SIRPA: variants seen among roughly 807,000 people sequenced by gnomAD.
SIRPA encodes the protein tyrosine-protein phosphatase non-receptor type substrate 1.
Under a neutral mutation model 50.3 loss-of-function variants are expected in SIRPA, and 9 were observed. The ratio of observed to expected loss-of-function variants is 0.18; its 90% CI spans 0.11 to 0.31. The LOEUF (loss-of-function observed/expected upper bound fraction) is 0.31, where lower values mean the gene tolerates loss of function less well. SIRPA is among the 10% of genes least tolerant of loss of function. The pLI, the probability that SIRPA is intolerant of heterozygous loss-of-function variation, is 1.00. For missense variants in SIRPA, 474 were observed against 661.6 expected (o/e 0.72, Z 3.11); for synonymous variants, 265 against 284.1 (o/e 0.93, Z 0.68).
intron 7 of SIRPA, among the ~76,000 whole-genome samples, chr20:1,935,272 C>G (rs569522412): frequency 6.6e-6 from 1 of 152,342 alleles, no homozygotes; most frequent in South Asian, 2.1e-4. Flanking sequence ...TTCTGGTCAG[C>G]ATTGCTGAGA....
intron 1 of SIRPA, among the ~76,000 whole-genome samples, chr20:1,909,733 G>A (rs1231348720): frequency 6.6e-6 from 1 of 152,214 alleles, no homozygotes; most frequent in Non-Finnish European, 1.5e-5. Context: ...AGTGAGCCGA[G>A]ATTGTGCCAT....
chr20:1,922,537 G>A lies in SIRPA; in HGVS notation c.979G>A (p.Val327Met). 2 of 1,614,228 alleles carry A rather than the reference G, an allele frequency of 1.2e-6. No individual in the cohort carries two copies. The highest frequency in any genetic ancestry group is 1.3e-5 in the African/African-American group (1 of 75,064). The change falls in exon 4 of 8, where the codon GTG becomes ATG. Residue 327 changes from valine to methionine, a missense_variant. By Grantham distance (21) the Val-to-Met change is conservative. Transcript: ENST00000358771. ...GAATGTATCTGCCCACAGGGATGAT[G>A]TGAAGCTCACCTGCCAGGTGGAGCA... ...LVNVSAHRDD[V>M]KLTCQVEHDG...
Position 1,924,911 on chromosome 20 carries a change from T to G in SIRPA, c.1201+34T>G, listed in dbSNP as rs1158239761. On this transcript the variant is annotated intron_variant, in intron 5 of 7. Coordinates refer to ENST00000358771, the MANE Select transcript of SIRPA (RefSeq NM_001040023.2). This position sits in a 1 kb window ranked among gnomAD's most constrained non-coding sequence, Gnocchi z 4.5. The stretch of plus-strand genomic sequence containing the variant: ...ATTCCCCTCTTCCTCCCTAAGGGTT[T>G]GTCCCTGGACTGTCCTCGGAGGGAG... 1 of 1,560,262 alleles carries G rather than the reference T, an allele frequency of 6.4e-7. No individual in the cohort carries two copies. Among genetic ancestry groups the G allele is most frequent in the Admixed American group, 1.7e-5 (1 of 59,844 alleles).
At chr20:1,907,668 G>C (rs1248105939) in intron 1 of SIRPA, among the ~76,000 whole-genome samples, 1 of 152,208 alleles carries the variant, frequency 6.6e-6, no homozygotes, top group Admixed American at 6.5e-5. Flanking sequence ...CCATGTGCGT[G>C]GTCATTGCTC....
chr20:1,926,827 C>T (rs1161067412), intron 5 of SIRPA, among the ~76,000 whole-genome samples: 3 of 152,196 alleles, frequency 2.0e-5, no homozygotes, highest in African/African-American at 2.4e-5. Context: ...CATAACTAGA[C>T]CCCCCTTCTC....
chr20:1,935,099 C>G (rs1037209754), intron 7 of SIRPA, among the ~76,000 whole-genome samples: 3 of 152,170 alleles, frequency 2.0e-5, no homozygotes, highest in Non-Finnish European at 2.9e-5. Context: ...CATCCCTCTA[C>G]CAGGAGCGCC....
At position 1,937,145 on chromosome 20, in the gene SIRPA, C is replaced by T. The variant is rs138062904; in HGVS notation, c.1267-175C>T. Among the ~76,000 whole-genome samples, 2 of 152,076 alleles carry T rather than the reference C, an allele frequency of 1.3e-5. No individual in the cohort carries two copies. Among genetic ancestry groups the T allele is most frequent in the African/African-American group, 2.4e-5 (1 of 41,476 alleles). ...GAGGAGGAGGGCAGATGGGAAGGGG[C>T]AAGGCTGGAGGCAAGTAACGTTGGC... On this transcript the variant is annotated intron_variant, in intron 7 of 7. Transcript: ENST00000358771. This position sits in a 1 kb window ranked among gnomAD's most constrained non-coding sequence, Gnocchi z 8.3.
chr20:1,897,670 T>C (rs1368032467), intron 1 of SIRPA, among the ~76,000 whole-genome samples: 1 of 151,822 alleles, frequency 6.6e-6, no homozygotes, highest in African/African-American at 2.4e-5. Flanking sequence ...TGACTACTAG[T>C]GTCTCAGGCA....
At chr20:1,926,297 G>A (rs1196289468) in intron 5 of SIRPA, among the ~76,000 whole-genome samples, 1 of 152,234 alleles carries the variant, frequency 6.6e-6, no homozygotes, top group African/African-American at 2.4e-5. Context: ...ACTCCTCCTT[G>A]GATGGGGAAG....
Position 1,934,780 on chromosome 20 carries a change from C to G in SIRPA, c.1266+26C>G. The G allele has an allele frequency of 6.2e-7, 1 of 1,613,308 alleles. No homozygotes were observed. The highest frequency in any genetic ancestry group is 8.5e-7 in the Non-Finnish European group (1 of 1,179,464). ...GTACAGTCCTTGGTGAGATGCCCTTCCTGGGAAACTCCGTGGCGTGGTTGC... is the reference window on the plus strand; with the variant it reads ...GTACAGTCCTTGGTGAGATGCCCTTGCTGGGAAACTCCGTGGCGTGGTTGC... On this transcript the variant is annotated intron_variant, in intron 7 of 7. Coordinates refer to ENST00000358771, the MANE Select transcript of SIRPA (RefSeq NM_001040023.2). The surrounding 1 kb of genome is among the most constrained non-coding windows in gnomAD (Gnocchi z 4.6).
chr20:1,908,744 T>C (rs540250275), intron 1 of SIRPA, among the ~76,000 whole-genome samples: 1 of 152,356 alleles, frequency 6.6e-6, no homozygotes, highest in African/African-American at 2.4e-5. Context: ...CTACATCCTG[T>C]GTGCATCCGC....
intron 1 of SIRPA, among the ~76,000 whole-genome samples, chr20:1,913,399 C>T (rs1479182058): frequency 1.3e-5 from 2 of 152,322 alleles, no homozygotes; most frequent in East Asian, 3.9e-4. Context: ...CTGCCCCTGC[C>T]AGTGGGGTGG....
At chr20:1,919,748 T>C (rs1381889574) in intron 2 of SIRPA, among the ~76,000 whole-genome samples, 3 of 152,110 alleles carry the variant, frequency 2.0e-5, no homozygotes, top group African/African-American at 7.2e-5. Context: ...GGGAGGCGCC[T>C]GTGATCTTGT....
chr20:1,918,624 A>G lies in SIRPA; in HGVS notation c.437-2771A>G, dbSNP rs140483357. Among the ~76,000 whole-genome samples the G allele has an allele frequency of 1.9e-4, 29 of 152,096 alleles. No homozygotes were observed. In the East Asian group the frequency reaches 5.2e-3, roughly 27 times the overall value. On this transcript the variant is annotated intron_variant, in intron 2 of 7. Transcript: ENST00000358771. Reference sequence around the variant, plus strand: ...ATTGTACCAACCTTTCCAGGATGTTATGAGGATGCAATGAGCCTGGGGCGA... The same window carrying G: ...ATTGTACCAACCTTTCCAGGATGTTGTGAGGATGCAATGAGCCTGGGGCGA...
chr20:1,937,603 C>G lies in SIRPA; in HGVS notation c.*35C>G. 1 of 1,603,532 alleles carries G rather than the reference C, an allele frequency of 6.2e-7. No homozygotes were observed. Among genetic ancestry groups the G allele is most frequent in the Non-Finnish European group, 8.5e-7 (1 of 1,172,708 alleles). Reference sequence around the variant, plus strand: ...TGGTTTGCTCTAGCACCCATCTCTACGCGCTTTCTTGTCCCACAGGGAGCC... The same window carrying G: ...TGGTTTGCTCTAGCACCCATCTCTAGGCGCTTTCTTGTCCCACAGGGAGCC... On this transcript the variant is annotated 3_prime_UTR_variant, in exon 8 of 8. Transcript: ENST00000358771. The surrounding 1 kb of genome is among the most constrained non-coding windows in gnomAD (Gnocchi z 8.3).
chr20:1,928,933 AC>A lies in SIRPA; in HGVS notation c.1226+1036del, dbSNP rs1431881311. The stretch of plus-strand genomic sequence containing the variant: ...ATCCCCAGCAGAGCAGAGGCAGCAC[AC>A]CATCATCTGCCATGTGAACCCATCT... On this transcript the variant is annotated intron_variant, in intron 6 of 7. Coordinates refer to ENST00000358771, the MANE Select transcript of SIRPA (RefSeq NM_001040023.2). This position sits in a 1 kb window ranked among gnomAD's most constrained non-coding sequence, Gnocchi z 4.9. 2.6e-5 allele frequency among the ~76,000 whole-genome samples: 4 copies of A among 152,310 alleles called. No individual in the cohort carries two copies. Among genetic ancestry groups the A allele is most frequent in the Non-Finnish European group, 5.9e-5 (4 of 68,012 alleles).
At chr20:1,904,303 A>G (rs1984417112) in intron 1 of SIRPA, among the ~76,000 whole-genome samples, 1 of 152,210 alleles carries the variant, frequency 6.6e-6, no homozygotes, top group Non-Finnish European at 1.5e-5. Context: ...AACTTTAGAC[A>G]CCATGATGAA....
chr20:1,932,207 G>A lies in SIRPA; in HGVS notation c.1227-2508G>A, dbSNP rs140062611. ...AGCTCAGTGTCCGCTGAGGAGACAG[G>A]TTACCAGACAAGCTGGAAAGTTAAT... On this transcript the variant is annotated intron_variant, in intron 6 of 7. Transcript: ENST00000358771. The surrounding 1 kb of genome is among the most constrained non-coding windows in gnomAD (Gnocchi z 6.0). 0.013 allele frequency among the ~76,000 whole-genome samples: 1,988 copies of A among 152,292 alleles called. 29 individuals are homozygous for A. Among genetic ancestry groups the A allele is most frequent in the Admixed American group, 0.035 (538 of 15,292 alleles).
chr20:1,913,651 T>C (rs1985037802), intron 1 of SIRPA, among the ~76,000 whole-genome samples: 1 of 152,198 alleles, frequency 6.6e-6, no homozygotes, highest in Non-Finnish European at 1.5e-5. Context: ...GGTTCTCTCC[T>C]TCTCCCCTAT....
Sources: gnomAD v4.1 joint callset for allele counts (sites outside exome capture counted in the v4.1 genomes callset) on GRCh38, gnomAD v4.1.1 for gene constraint, Gnocchi (gnomAD v3.1) non-coding constraint, MANE v1.5 for transcripts, NCBI Gene and HGNC (gene_info 2026-07-23, HGNC 2026-07-21) for gene names.